ITSN1: variants seen among roughly 807,000 people sequenced by gnomAD.
ITSN1 encodes the protein intersectin 1, also known as intersectin-1.
A neutral mutation model predicts 239.8 loss-of-function variants in ITSN1; 58 were observed. The ratio of observed to expected loss-of-function variants is 0.24; its 90% CI spans 0.20 to 0.30. ITSN1 has a LOEUF of 0.30. Among genes scored for constraint, ITSN1 ranks in the 10% least tolerant of loss-of-function variants. ITSN1 has a pLI of 1.00. For synonymous variants in ITSN1, 780 were observed against 770.8 expected, an observed-to-expected ratio of 1.01 and a Z score of -0.20; for missense variants, 1,558 against 2,103.3, an observed-to-expected ratio of 0.74 and a Z score of 5.07.
chr21:33,784,500 C>T (rs2070484781), intron 16 of ITSN1, among the ~76,000 whole-genome samples: 1 of 152,040 alleles, frequency 6.6e-6, no homozygotes, highest in Non-Finnish European at 1.5e-5. Flanking sequence ...GAGACCCTGT[C>T]TCAAAAAACA....
intron 1 of ITSN1, among the ~76,000 whole-genome samples, chr21:33,685,884 T>C (rs1461791091): frequency 1.3e-5 from 2 of 152,242 alleles, no homozygotes; most frequent in Non-Finnish European, 2.9e-5. Context: ...ATCATAACTA[T>C]TTCTCAATTT....
intron 4 of ITSN1, among the ~76,000 whole-genome samples, chr21:33,731,220 A>T (rs2147213808): frequency 6.6e-6 from 1 of 152,280 alleles, no homozygotes; most frequent in South Asian, 2.1e-4. Flanking sequence ...TAATTAAGCC[A>T]TTACCTAAAG....
chr21:33,737,424 G>A (rs1464791426), intron 5 of ITSN1, among the ~76,000 whole-genome samples: 2 of 152,154 alleles, frequency 1.3e-5, no homozygotes, highest in African/African-American at 2.4e-5. Context: ...CATAGGAGAA[G>A]TTACCAGTAT....
chr21:33,803,694 C>A lies in ITSN1; in HGVS notation c.2319+1250C>A, dbSNP rs554872510. 1.2e-4 allele frequency among the ~76,000 whole-genome samples: 19 copies of A among 152,194 alleles called. 1 individual carries two copies. The South Asian group carries it at 3.5e-3, about 28-fold the overall frequency. Reference sequence around the variant, plus strand: ...GGGCTTTCGTGTTGAATTTTATAGACTTCTATGTTATTTTCATTTTTATAA... The same window carrying A: ...GGGCTTTCGTGTTGAATTTTATAGAATTCTATGTTATTTTCATTTTTATAA... On this transcript the variant is annotated intron_variant, in intron 20 of 39. Transcript: ENST00000381318.
intron 11 of ITSN1, among the ~76,000 whole-genome samples, chr21:33,771,264 G>C (rs16990850): frequency 0.017 from 2,614 of 152,326 alleles, 90 homozygotes; most frequent in African/African-American, 0.06. Context: ...CACAGCTGCA[G>C]ATCTCAAGGC....
In ITSN1 at chr21:33,888,970, A is replaced by G. The variant is rs1315504223; in HGVS notation, c.*670A>G. 6.6e-6 allele frequency: 1 copy of G among 152,232 alleles called. No individual in the cohort carries two copies. Among genetic ancestry groups the G allele is most frequent in the Non-Finnish European group, 1.5e-5 (1 of 68,044 alleles). The allele number at this position is 152,232 out of a possible 1,614,324, so 9.4% of individuals were successfully genotyped here. A position where few individuals can be genotyped will look rare whatever the true frequency, so the allele number is the denominator to read the frequency against. ...TGTATTAATATATGTCAATGAAAAC[A>G]CACTGGTGTATTGTTGCGTGGATTC... On this transcript the variant is annotated 3_prime_UTR_variant, in exon 40 of 40. Transcript: ENST00000381318.
At chr21:33,656,608 T>C (rs2089099870) in intron 1 of ITSN1, among the ~76,000 whole-genome samples, 1 of 152,146 alleles carries the variant, frequency 6.6e-6, no homozygotes. Flanking sequence ...CAATCTTGGC[T>C]CACTGCAACC....
intron 33 of ITSN1, among the ~76,000 whole-genome samples, chr21:33,874,279 C>T (rs1983293811): frequency 6.6e-6 from 1 of 151,960 alleles, no homozygotes. Context: ...TAGCCACCAC[C>T]CCAAATGGTC....
intron 28 of ITSN1, among the ~76,000 whole-genome samples, chr21:33,835,576 A>G (rs1281884435): frequency 6.6e-6 from 1 of 152,182 alleles, no homozygotes; most frequent in Non-Finnish European, 1.5e-5. Flanking sequence ...TTGAGGGTGG[A>G]GATTTCTTTC....
At position 33,893,660 on chromosome 21, in the gene ITSN1, G is replaced by A. The variant is rs1439002330; in HGVS notation, c.*5360G>A. On this transcript the variant is annotated 3_prime_UTR_variant, in exon 40 of 40. Transcript: ENST00000381318. ...CTGACACGGAGGAAGTAATTGGCTG[G>A]TCAACTTAATGGCGCCCCACAGCTT... 6.6e-6 allele frequency: 1 copy of A among 152,174 alleles called. No homozygotes were observed. The allele number at this position is 152,174 out of a possible 1,614,324, so 9.4% of individuals were successfully genotyped here.
At chr21:33,834,839 A>C (rs1014485212) in intron 28 of ITSN1, among the ~76,000 whole-genome samples, 1 of 152,258 alleles carries the variant, frequency 6.6e-6, no homozygotes, top group South Asian at 2.1e-4. Flanking sequence ...TTGGGGGGCT[A>C]TAATGTGGTG....
chr21:33,675,435 C>T (rs368180395), intron 1 of ITSN1, among the ~76,000 whole-genome samples: 27 of 152,136 alleles, frequency 1.8e-4, no homozygotes, highest in Middle Eastern at 3.4e-3. Flanking sequence ...GGTGCAGTGG[C>T]GGGTGCTTGT....
At position 33,797,387 on chromosome 21, in the gene ITSN1, A is replaced by C. The variant is rs765849633; in HGVS notation, c.1961A>C (p.Gln654Pro). ...KQKEEAQRRAQERDKQWLEHV... is the reference protein window; with the variant it reads ...KQKEEAQRRAPERDKQWLEHV... Reference sequence around the variant, plus strand: ...AGCGTGTTTGTTGGCAGACGAGCTCAGGAAAGGGACAAGCAGTGGCTGGAG... The same window carrying C: ...AGCGTGTTTGTTGGCAGACGAGCTCCGGAAAGGGACAAGCAGTGGCTGGAG... Residue 654 changes from glutamine (Q) to proline (P), a missense_variant, in exon 18 of 40, where the codon CAG (glutamine) becomes CCG (proline). By Grantham distance (76) the Gln-to-Pro change is moderately conservative (BLOSUM62 -1). Transcript: ENST00000381318. The surrounding 1 kb of genome is among the most constrained non-coding windows in gnomAD (Gnocchi z 4.9). The C allele has an allele frequency of 7.4e-6, 12 of 1,613,818 alleles. No homozygotes were observed. Among genetic ancestry groups the C allele is most frequent in the Non-Finnish European group, 9.3e-6 (11 of 1,179,850 alleles).
chr21:33,823,445 A>G (rs1486468031), intron 24 of ITSN1, 42 bp from the exon 25 acceptor site: 1 of 1,565,310 alleles, frequency 6.4e-7, no homozygotes, highest in Non-Finnish European at 8.7e-7. Flanking sequence ...ATTTCTTTAA[A>G]CAATCAAGCT....
rs13047648 is a variant in ITSN1, at chr21:33,752,546, C to T, written c.623+640C>T. 8.6e-3 allele frequency among the ~76,000 whole-genome samples: 1,315 copies of T among 152,258 alleles called. 5 individuals are homozygous for T. Among genetic ancestry groups the T allele is most frequent in the Admixed American group, 0.014 (221 of 15,286 alleles). The stretch of plus-strand genomic sequence containing the variant: ...ATTTTACTCCTATGTTTTACCCTTG[C>T]ATACTGCTACATTAAGAAGAGAAAT... On this transcript the variant is annotated intron_variant, in intron 7 of 39. Coordinates refer to ENST00000381318, the MANE Select transcript of ITSN1 (RefSeq NM_003024.3).
At chr21:33,720,065 T>A (rs1210018555) in intron 2 of ITSN1, among the ~76,000 whole-genome samples, 1 of 152,200 alleles carries the variant, frequency 6.6e-6, no homozygotes, top group Non-Finnish European at 1.5e-5. Flanking sequence ...CCTTCTTAAT[T>A]ACTGTACAAT....
At chr21:33,817,305 C>T (rs1403521675) in intron 22 of ITSN1, 4 of 1,304,300 alleles carry the variant, frequency 3.1e-6, no homozygotes. Context: ...TCCCGGACCC[C>T]CTGCAGTGTT....
intron 27 of ITSN1, among the ~76,000 whole-genome samples, chr21:33,833,945 A>G (rs896730748): frequency 6.6e-6 from 1 of 151,618 alleles, no homozygotes; most frequent in Non-Finnish European, 1.5e-5. Flanking sequence ...TTATTCCTAA[A>G]ACCCATATAC....
At chr21:33,674,657 A>T (rs996678752) in intron 1 of ITSN1, among the ~76,000 whole-genome samples, 1 of 152,194 alleles carries the variant, frequency 6.6e-6, no homozygotes, top group Non-Finnish European at 1.5e-5. Context: ...AACTTTAGAA[A>T]ATACTGTTTG....
Sources: gnomAD v4.1 joint callset for allele counts (sites outside exome capture counted in the v4.1 genomes callset) on GRCh38, gnomAD v4.1.1 for gene constraint, Gnocchi (gnomAD v3.1) non-coding constraint, MANE v1.5 for transcripts, NCBI Gene and HGNC (gene_info 2026-07-23, HGNC 2026-07-21) for gene names.